The following BAZ1A variants were observed in gnomAD, a reference collection of about 807,000 sequenced individuals.
BAZ1A encodes bromodomain adjacent to zinc finger domain 1A, also known as bromodomain adjacent to zinc finger domain protein 1A.
BAZ1A carries 50 observed loss-of-function variants against 185.2 expected under a neutral mutation model. The ratio of observed to expected loss-of-function variants is 0.27; its 90% CI spans 0.22 to 0.34. BAZ1A has a LOEUF of 0.34. BAZ1A is among the 10% of genes least tolerant of loss of function. The probability of loss-of-function intolerance (pLI) is 1.00; values close to 1 mark genes in which losing one functional copy is unlikely to be tolerated. For missense variants in BAZ1A, 1,356 were observed against 1,839.9 expected, an observed-to-expected ratio of 0.74 and a Z score of 4.81; for synonymous variants, 571 against 615.6, an observed-to-expected ratio of 0.93 and a Z score of 1.07.
chr14:34,806,290 G>T (rs1414019699), intron 6 of BAZ1A, among the ~76,000 whole-genome samples: 1 of 152,024 alleles, frequency 6.6e-6, no homozygotes, highest in Non-Finnish European at 1.5e-5. Flanking sequence ...TCTAACCCAT[G>T]CTACTGCCTT....
intron 16 of BAZ1A, among the ~76,000 whole-genome samples, chr14:34,780,967 G>A (rs141810162): frequency 6.0e-4 from 91 of 152,202 alleles, no homozygotes; most frequent in Admixed American, 1.5e-3. Flanking sequence ...AAGTGATGGT[G>A]GCTTAGAGTA....
intron 3 of BAZ1A, among the ~76,000 whole-genome samples, chr14:34,839,139 C>A (rs868444175): frequency 8.5e-5 from 13 of 152,224 alleles, no homozygotes; most frequent in Middle Eastern, 3.4e-3. Context: ...AGTGGTTTGT[C>A]AAAGGCTAGA....
At chr14:34,830,530 G>A (rs929638901) in intron 3 of BAZ1A, among the ~76,000 whole-genome samples, 3 of 151,980 alleles carry the variant, frequency 2.0e-5, no homozygotes, top group South Asian at 4.2e-4. Flanking sequence ...GATGGCGGGG[G>A]CAGTGTAAGG....
At chr14:34,771,391 A>C (rs2138574272) in intron 21 of BAZ1A, 120 bp downstream of exon 21, 1 of 974,258 alleles carries the variant, frequency 1.0e-6, no homozygotes, top group Middle Eastern at 2.3e-4. Context: ...AAATGAAAAC[A>C]TCTCAAGTTT....
intron 4 of BAZ1A, among the ~76,000 whole-genome samples, chr14:34,818,191 G>A (rs1366130651): frequency 6.6e-6 from 1 of 152,184 alleles, no homozygotes; most frequent in African/African-American, 2.4e-5. Flanking sequence ...GCTACAATAC[G>A]GATGAACCCT....
chr14:34,842,607 TAGTC>T (rs964634098), intron 3 of BAZ1A, among the ~76,000 whole-genome samples: 74 of 152,314 alleles, frequency 4.9e-4, no homozygotes, highest in African/African-American at 1.7e-3. Context: ...AATTATAAAA[TAGTC>T]AAGTAAAGTG....
At chr14:34,822,985 G>A (rs1017175958) in intron 4 of BAZ1A, among the ~76,000 whole-genome samples, 1 of 151,516 alleles carries the variant, frequency 6.6e-6, no homozygotes, top group Admixed American at 6.6e-5. Flanking sequence ...ACAGCATGCT[G>A]ACCCCCAGAA....
intron 4 of BAZ1A, among the ~76,000 whole-genome samples, chr14:34,824,215 A>AG (rs1416020753): frequency 1.3e-5 from 2 of 149,698 alleles, no homozygotes; most frequent in African/African-American, 4.9e-5. Context: ...AAAAAAAAAA[A>AG]AATTAAAAAT....
chr14:34,844,749 C>A (rs77949473), intron 3 of BAZ1A, among the ~76,000 whole-genome samples: 9,451 of 149,134 alleles, frequency 0.063, 393 homozygotes, highest in Non-Finnish European at 0.098. Flanking sequence ...CAGAGTGTGA[C>A]CCTGTCTAAA....
At chr14:34,855,553 TTATTG>T (rs1211261390) in intron 3 of BAZ1A, among the ~76,000 whole-genome samples, 5 of 152,204 alleles carry the variant, frequency 3.3e-5, no homozygotes, top group African/African-American at 1.2e-4. Flanking sequence ...GCAGGGATGT[TTATTG>T]TATTTTTATT....
chr14:34,868,532 C>T (rs1019643087), intron 2 of BAZ1A, among the ~76,000 whole-genome samples: 5 of 152,052 alleles, frequency 3.3e-5, no homozygotes, highest in Admixed American at 6.6e-5. Context: ...GGCCGGGTGC[C>T]GTGACTCACG....
At chr14:34,840,836 A>T (rs2042403572) in intron 3 of BAZ1A, among the ~76,000 whole-genome samples, 1 of 152,116 alleles carries the variant, frequency 6.6e-6, no homozygotes, top group African/African-American at 2.4e-5. Context: ...AAATTCTTCT[A>T]GCTGGTATTT....
intron 4 of BAZ1A, among the ~76,000 whole-genome samples, chr14:34,824,425 A>AG (rs1190485969): frequency 1.3e-5 from 2 of 149,568 alleles, no homozygotes; most frequent in African/African-American, 2.4e-5. Context: ...AAAAAAAAAA[A>AG]AAGAAGAGAT....
At chr14:34,790,684 C>G (rs1419045872) in intron 12 of BAZ1A, among the ~76,000 whole-genome samples, 2 of 152,150 alleles carry the variant, frequency 1.3e-5, no homozygotes, top group Non-Finnish European at 2.9e-5. Flanking sequence ...ACAGGGGTCT[C>G]ACTATGTCGC....
At position 34,774,376 on chromosome 14, in the gene BAZ1A, A is replaced by G; in HGVS notation, c.2948T>C (p.Leu983Pro). 6.2e-7 allele frequency: 1 copy of G among 1,613,710 alleles called. No homozygotes were observed. Among genetic ancestry groups the G allele is most frequent in the Non-Finnish European group, 8.5e-7 (1 of 1,179,864 alleles). The change falls in exon 19 of 27, where the codon CTT (leucine) becomes CCT (proline). Residue 983 changes from leucine to proline, a missense_variant. This residue lies in a region of BAZ1A where 434 missense variants were observed against 561.7 expected (regional missense o/e 0.77). Transcript: ENST00000360310. Reference protein sequence around the residue: ...KQLELRLRDFLLDIEDRIYQG... With the variant: ...KQLELRLRDFPLDIEDRIYQG... ...GTAGATTCTATCTTCAATATCTAAA[A>G]GAAAATCTCTCAGCCTTAGTTCAAG...
chr14:34,784,686 T>A (rs940267957), intron 14 of BAZ1A, among the ~76,000 whole-genome samples: 10 of 151,254 alleles, frequency 6.6e-5, no homozygotes, highest in African/African-American at 2.4e-4. Context: ...CCTAGCTAAT[T>A]TTTTTGTATT....
rs947854290 is a variant in BAZ1A at position 34,844,072 on chromosome 14, A to G, written c.393-17916T>C. Among the ~76,000 whole-genome samples, 7 of 150,356 alleles carry G rather than the reference A, an allele frequency of 4.7e-5. No homozygotes were observed. The South Asian group carries it at 1.1e-3, about 23-fold the overall frequency. ...ATACAAAAAATTAGCCGGGCGTGGT[A>G]GCGGGCGCCTGTAGTCCCAGCTACT... On this transcript the variant is annotated intron_variant, in intron 3 of 26. Transcript: ENST00000360310.
intron 4 of BAZ1A, 81 bp from the exon 5 acceptor site, chr14:34,811,117 T>C (rs2041924161): frequency 2.0e-6 from 2 of 976,530 alleles, no homozygotes; most frequent in Admixed American, 5.4e-5. Flanking sequence ...TTTCTAAGAA[T>C]ATACTATAAT....
At chr14:34,757,525 T>C (rs1174461460) in intron 25 of BAZ1A, among the ~76,000 whole-genome samples, 9 of 150,994 alleles carry the variant, frequency 6.0e-5, no homozygotes, top group Non-Finnish European at 1.0e-4. Flanking sequence ...ATTAGCCAGG[T>C]GTGGTGGCAG....
Sources: allele counts gnomAD v4.1 joint callset (sites outside exome capture counted in the v4.1 genomes callset), GRCh38; gene constraint gnomAD v4.1.1; regional missense constraint gnomAD v4.1.1; transcripts MANE v1.5; gene names NCBI Gene and HGNC (gene_info 2026-07-23, HGNC 2026-07-21).